The following GABRB3 variants were observed in gnomAD, a reference collection of about 807,000 sequenced individuals.
GABRB3 encodes the protein gamma-aminobutyric acid receptor subunit beta-3.
A neutral mutation model predicts 52.1 loss-of-function variants in GABRB3; 14 were observed. The ratio of observed to expected loss-of-function variants is 0.27; its 90% CI spans 0.18 to 0.42. GABRB3 has a LOEUF of 0.42. Among genes scored for constraint, GABRB3 ranks in the 10% least tolerant of loss-of-function variants. The probability of loss-of-function intolerance (pLI) is 1.00; values close to 1 mark genes in which losing one functional copy is unlikely to be tolerated. For synonymous variants in GABRB3, 260 were observed against 232.3 expected (o/e 1.12, Z -1.08); for missense variants, 307 against 609.1 (o/e 0.50, Z 5.22).
intron 3 of GABRB3, among the ~76,000 whole-genome samples, chr15:26,763,036 T>C (rs1439769499): frequency 6.6e-6 from 1 of 152,200 alleles, no homozygotes; most frequent in East Asian, 1.9e-4. Context: ...CTCAGACAGG[T>C]ATCCCCGCCC....
intron 3 of GABRB3, among the ~76,000 whole-genome samples, chr15:26,628,525 T>C (rs1236045438): frequency 6.6e-6 from 1 of 152,156 alleles, no homozygotes; most frequent in African/African-American, 2.4e-5. Context: ...GGTGAATTCT[T>C]GGAAAAACAA....
chr15:26,577,108 G>C (rs1233500073), intron 6 of GABRB3, among the ~76,000 whole-genome samples: 4 of 152,118 alleles, frequency 2.6e-5, no homozygotes, highest in Non-Finnish European at 5.9e-5. Context: ...TGTGTAATTG[G>C]GGTTCTAGAA....
chr15:26,729,192 G>T (rs887777419), intron 3 of GABRB3, among the ~76,000 whole-genome samples: 8 of 152,108 alleles, frequency 5.3e-5, no homozygotes, highest in African/African-American at 1.9e-4. Context: ...TGTTCTCAGT[G>T]GTCCCGCTGC....
intron 3 of GABRB3, among the ~76,000 whole-genome samples, chr15:26,632,094 G>A (rs1207579946): frequency 6.6e-6 from 1 of 152,328 alleles, no homozygotes; most frequent in East Asian, 1.9e-4. Context: ...AGTGACAGGC[G>A]ACCTCACTGT....
chr15:26,607,858 G>A (rs1275743755), intron 4 of GABRB3, among the ~76,000 whole-genome samples: 2 of 151,900 alleles, frequency 1.3e-5, no homozygotes, highest in African/African-American at 2.4e-5. Flanking sequence ...ATCTGTATTA[G>A]AAGGATTACT....
intron 3 of GABRB3, among the ~76,000 whole-genome samples, chr15:26,706,829 T>G (rs1889118236): frequency 6.6e-6 from 1 of 152,196 alleles, no homozygotes; most frequent in Non-Finnish European, 1.5e-5. Flanking sequence ...TACACAGATA[T>G]TCTGCATGAA....
chr15:26,674,061 C>A (rs1398213325), intron 3 of GABRB3, among the ~76,000 whole-genome samples: 1 of 151,540 alleles, frequency 6.6e-6, no homozygotes, highest in Admixed American at 6.6e-5. Flanking sequence ...ATATTTAACC[C>A]CCCCCTTTTT....
At chr15:26,721,044 C>A (rs1889630204) in intron 3 of GABRB3, among the ~76,000 whole-genome samples, 1 of 152,120 alleles carries the variant, frequency 6.6e-6, no homozygotes, top group Non-Finnish European at 1.5e-5. Flanking sequence ...AAGGCTTTCA[C>A]CCTCCTCCAT....
intron 4 of GABRB3, chr15:26,613,700 TC>T (rs1892158382): frequency 6.6e-6 from 1 of 152,018 alleles, no homozygotes; most frequent in Admixed American, 6.6e-5. Flanking sequence ...CATAGTGGCT[TC>T]CCCGTCATCA....
At chr15:26,566,464 G>C (rs989589751) in intron 7 of GABRB3, among the ~76,000 whole-genome samples, 1 of 152,140 alleles carries the variant, frequency 6.6e-6, no homozygotes, top group Non-Finnish European at 1.5e-5. Flanking sequence ...GGTGGCTCAC[G>C]CATATACTCC....
intron 3 of GABRB3, among the ~76,000 whole-genome samples, chr15:26,745,336 T>A (rs1890309097): frequency 6.6e-6 from 1 of 152,052 alleles, no homozygotes; most frequent in Non-Finnish European, 1.5e-5. Context: ...TAAGAAGTTG[T>A]AAAAAAAATT....
intron 3 of GABRB3, among the ~76,000 whole-genome samples, chr15:26,675,301 G>A (rs893696956): frequency 2.0e-5 from 3 of 152,186 alleles, no homozygotes; most frequent in African/African-American, 7.2e-5. Context: ...TGGAGCACTG[G>A]CTCAAAAGAG....
At chr15:26,641,327 C>G (rs994468448) in intron 3 of GABRB3, among the ~76,000 whole-genome samples, 15 of 152,232 alleles carry the variant, frequency 9.9e-5, no homozygotes, top group Admixed American at 1.3e-4. Flanking sequence ...CATTGGGAGA[C>G]TCTGCAGAGA....
chr15:26,661,658 A>C (rs1482591784), intron 3 of GABRB3, among the ~76,000 whole-genome samples: 4 of 152,166 alleles, frequency 2.6e-5, no homozygotes, highest in Non-Finnish European at 5.9e-5. Flanking sequence ...GGTGAGGGAA[A>C]TGCATATGGG....
intron 4 of GABRB3, among the ~76,000 whole-genome samples, chr15:26,594,549 G>A (rs1482976901): frequency 1.3e-5 from 2 of 152,232 alleles, no homozygotes; most frequent in Non-Finnish European, 2.9e-5. Context: ...TAGGCTGAGT[G>A]TAGTGGCATG....
chr15:26,544,243 T>C lies in GABRB3; in HGVS notation c.*3550A>G, dbSNP rs1889138269. On this transcript the variant is annotated 3_prime_UTR_variant, in exon 9 of 9. Coordinates refer to ENST00000311550, the MANE Select transcript of GABRB3 (RefSeq NM_000814.6). The stretch of plus-strand genomic sequence containing the variant: ...CATTCTTGTTAGAATACACCAATGG[T>C]GGGACAAACACCAATGGATTATCTA... 1 of 152,598 alleles carries C rather than the reference T, an allele frequency of 6.6e-6. No homozygotes were observed. The highest frequency in any genetic ancestry group is 1.5e-5 in the Non-Finnish European group (1 of 68,038). 9.5% of individuals were successfully genotyped at this position (152,598 alleles called of 1,614,324 possible).
chr15:26,765,545 A>G (rs1890974223), intron 3 of GABRB3, among the ~76,000 whole-genome samples: 1 of 152,214 alleles, frequency 6.6e-6, no homozygotes, highest in African/African-American at 2.4e-5. Context: ...AAATTTACAT[A>G]TCACTTTCTT....
chr15:26,669,624 C>T (rs1887825318), intron 3 of GABRB3, among the ~76,000 whole-genome samples: 1 of 151,982 alleles, frequency 6.6e-6, no homozygotes, highest in South Asian at 2.1e-4. Flanking sequence ...CTCTCTCTCT[C>T]CCCACCCCTC....
Position 26,554,204 on chromosome 15 carries a change from TATATAG to T in GABRB3, c.1081-6076_1081-6071del, listed in dbSNP as rs1384565299. Among the ~76,000 whole-genome samples the T allele has an allele frequency of 2.5e-3, 217 of 87,804 alleles. 29 individuals are homozygous for T. The highest frequency in any genetic ancestry group is 7.7e-3 in the African/African-American group (193 of 25,126). The allele number at this position is 87,804 out of a possible 152,430, so 57.6% of individuals were successfully genotyped here. On this transcript the variant is annotated intron_variant, in intron 8 of 8. Coordinates refer to ENST00000311550, the MANE Select transcript of GABRB3 (RefSeq NM_000814.6). Reference sequence around the variant, plus strand: ...TATATATATATACTATATATATATATATATAGTAGAAACAAGGTCTCTCTTTGTTGC... The same window carrying T: ...TATATATATATACTATATATATATATTAGAAACAAGGTCTCTCTTTGTTGC...
Sources: gnomAD v4.1 joint callset for allele counts (sites outside exome capture counted in the v4.1 genomes callset) on GRCh38, gnomAD v4.1.1 for gene constraint, MANE v1.5 for transcripts, NCBI Gene and HGNC (gene_info 2026-07-23, HGNC 2026-07-21) for gene names.